GABRB2: variants seen among roughly 807,000 people sequenced by gnomAD.
GABRB2 encodes gamma-aminobutyric acid type A receptor subunit beta2.
In GABRB2, 16 loss-of-function variants were observed where a neutral mutation model predicts 54.7. The observed-to-expected ratio is 0.29, with a 90% CI of 0.20 to 0.44. The LOEUF is 0.44. Ranked by LOEUF, GABRB2 falls within the 20% of genes least tolerant of loss-of-function variation. GABRB2 has a pLI of 1.00. For synonymous variants in GABRB2, 244 were observed against 233.8 expected (o/e 1.04, Z -0.40); for missense variants, 355 against 644.0 (o/e 0.55, Z 4.86).
At chr5:161,411,467 T>A (rs1756514759) in intron 4 of GABRB2, among the ~76,000 whole-genome samples, 2 of 152,196 alleles carry the variant, frequency 1.3e-5, no homozygotes, top group African/African-American at 4.8e-5. Context: ...ATCAGAAACA[T>A]GTAATCTATC....
intron 5 of GABRB2, among the ~76,000 whole-genome samples, chr5:161,367,932 C>T (rs1561624696): frequency 6.6e-6 from 1 of 152,036 alleles, no homozygotes; most frequent in African/African-American, 2.4e-5. Flanking sequence ...ATAAAACTTC[C>T]CAAGTCCATC....
At chr5:161,477,284 C>CAAAAA (rs70990786) in intron 3 of GABRB2, among the ~76,000 whole-genome samples, 3 of 127,848 alleles carry the variant, frequency 2.3e-5, no homozygotes, top group African/African-American at 5.7e-5. Context: ...CAAACAAAAG[C>CAAAAA]AAAAAAAAAA....
At chr5:161,495,863 A>C (rs1270499224) in intron 3 of GABRB2, among the ~76,000 whole-genome samples, 1 of 152,156 alleles carries the variant, frequency 6.6e-6, no homozygotes, top group African/African-American at 2.4e-5. Flanking sequence ...AATTAAAATA[A>C]ACTGAAGCAG....
At chr5:161,544,627 G>T (rs1157205325) in intron 3 of GABRB2, among the ~76,000 whole-genome samples, 36 of 152,272 alleles carry the variant, frequency 2.4e-4, no homozygotes, top group Admixed American at 2.4e-3. Flanking sequence ...TAAAGTGAAC[G>T]GGGATGACAC....
intron 3 of GABRB2, among the ~76,000 whole-genome samples, chr5:161,541,744 T>C (rs1246162653): frequency 6.6e-6 from 1 of 152,232 alleles, no homozygotes; most frequent in Non-Finnish European, 1.5e-5. Flanking sequence ...TGTGACTAGT[T>C]TGATCTTCTA....
Position 161,416,657 on chromosome 5 carries a change from G to C in GABRB2, c.459-5600C>G, listed in dbSNP as rs188687250. 3.0e-3 allele frequency among the ~76,000 whole-genome samples: 368 copies of C among 124,290 alleles called. 4 individuals carry two copies. Among genetic ancestry groups the C allele is most frequent in the African/African-American group, 9.2e-3 (315 of 34,196 alleles). 81.5% of individuals were successfully genotyped at this position (124,290 alleles called of 152,430 possible). A position where few individuals can be genotyped will look rare whatever the true frequency, so the allele number is the denominator to read the frequency against. On this transcript the variant is annotated intron_variant, in intron 4 of 9. Transcript: ENST00000393959. ...GCTTGCGGTGAGCCGAGATCGCGCC[G>C]CTGCACTCCAGCCTGGGCGGCAGAG...
chr5:161,334,673 G>C, intron 7 of GABRB2, 79 bp downstream of exon 7: 2 of 1,469,148 alleles, frequency 1.4e-6, no homozygotes, highest in South Asian at 1.2e-5. Context: ...CAAATTTCAG[G>C]ATAAGGAAAA....
At chr5:161,507,155 G>T (rs1049560733) in intron 3 of GABRB2, among the ~76,000 whole-genome samples, 1 of 152,016 alleles carries the variant, frequency 6.6e-6, no homozygotes, top group African/African-American at 2.4e-5. Flanking sequence ...GGAAACCTGA[G>T]AAACTGTCAT....
intron 3 of GABRB2, among the ~76,000 whole-genome samples, chr5:161,476,434 G>A (rs1441576169): frequency 6.6e-6 from 1 of 151,718 alleles, no homozygotes; most frequent in African/African-American, 2.4e-5. Context: ...TTTCAAAATA[G>A]AAAACTGTAT....
At position 161,336,785 on chromosome 5, in the gene GABRB2, T is replaced by TAC. The variant is rs141330383; in HGVS notation, c.542-18_542-17dup. 8.8e-4 allele frequency: 1,187 copies of TAC among 1,355,480 alleles called. No homozygotes were observed. Among genetic ancestry groups the TAC allele is most frequent in the Non-Finnish European group, 9.9e-4 (992 of 998,386 alleles). 84.0% of individuals were successfully genotyped at this position (1,355,480 alleles called of 1,614,324 possible). A position where few individuals can be genotyped will look rare whatever the true frequency, so the allele number is the denominator to read the frequency against. ...GTGTATCCATCTGTGAAAGGAAACA[T>TAC]ACACACACACACACACAAATACAGA... On this transcript the variant is annotated splice_polypyrimidine_tract_variant and intron_variant, in intron 5 of 9. Coordinates refer to ENST00000393959, the MANE Select transcript of GABRB2 (RefSeq NM_001371727.1).
chr5:161,408,955 T>C (rs1756426768), intron 5 of GABRB2, among the ~76,000 whole-genome samples: 1 of 152,068 alleles, frequency 6.6e-6, no homozygotes, highest in South Asian at 2.1e-4. Context: ...ATATGTTTAG[T>C]TAGTAGACAA....
chr5:161,369,041 T>C (rs570429773), intron 5 of GABRB2, among the ~76,000 whole-genome samples: 99 of 152,366 alleles, frequency 6.5e-4, no homozygotes, highest in African/African-American at 2.3e-3. Flanking sequence ...CAATTATACA[T>C]GTTGACAACT....
intron 5 of GABRB2, among the ~76,000 whole-genome samples, chr5:161,362,041 C>T (rs1754827900): frequency 6.6e-6 from 1 of 152,074 alleles, no homozygotes; most frequent in African/African-American, 2.4e-5. Context: ...GAATCCTTTC[C>T]CTGTTGCTTG....
intron 9 of GABRB2, among the ~76,000 whole-genome samples, chr5:161,316,904 A>T (rs541900984): frequency 6.6e-6 from 1 of 152,226 alleles, no homozygotes; most frequent in South Asian, 2.1e-4. Flanking sequence ...GAGCCCTTTC[A>T]TTCTTACTTG....
At chr5:161,446,380 T>C (rs1192690207) in intron 4 of GABRB2, among the ~76,000 whole-genome samples, 1 of 152,168 alleles carries the variant, frequency 6.6e-6, no homozygotes, top group Non-Finnish European at 1.5e-5. Flanking sequence ...GGCTTCTTTC[T>C]GGAACACTGT....
chr5:161,412,217 T>G (rs996640589), intron 4 of GABRB2, among the ~76,000 whole-genome samples: 1 of 152,194 alleles, frequency 6.6e-6, no homozygotes. Flanking sequence ...TGTGGGAGTC[T>G]CACTCCTCAG....
At chr5:161,360,518 A>C (rs896482098) in intron 5 of GABRB2, among the ~76,000 whole-genome samples, 2 of 152,222 alleles carry the variant, frequency 1.3e-5, no homozygotes, top group Non-Finnish European at 1.5e-5. Context: ...ACTGGATGAT[A>C]CTACAGAACC....
intron 9 of GABRB2, among the ~76,000 whole-genome samples, chr5:161,318,876 T>C (rs1472398875): frequency 3.9e-5 from 6 of 152,010 alleles, no homozygotes; most frequent in Non-Finnish European, 8.8e-5. Context: ...TTTCTTTTAT[T>C]AAAATCTTAT....
At chr5:161,540,223 A>G (rs561136864) in intron 3 of GABRB2, among the ~76,000 whole-genome samples, 86 of 152,342 alleles carry the variant, frequency 5.6e-4, no homozygotes, top group African/African-American at 2.0e-3. Flanking sequence ...GTAATATTCT[A>G]AGTCCTTTGT....
Sources: allele counts gnomAD v4.1 joint callset (sites outside exome capture counted in the v4.1 genomes callset), GRCh38; gene constraint gnomAD v4.1.1; transcripts MANE v1.5; gene names NCBI Gene and HGNC (gene_info 2026-07-23, HGNC 2026-07-21).